FRYL: variants seen among roughly 807,000 people sequenced by gnomAD.
FRYL encodes FRY like transcription coactivator.
A neutral mutation model predicts 351.2 loss-of-function variants in FRYL; 150 were observed. The observed-to-expected ratio is 0.43, with a 90% confidence interval of 0.37 to 0.49. The LOEUF is 0.49. FRYL is among the 20% of genes least tolerant of loss of function. The pLI is 0.00. For synonymous variants in FRYL, 1,153 were observed against 1,257.1 expected, an observed-to-expected ratio of 0.92 and a Z score of 1.75; for missense variants, 3,036 against 3,619.3, an observed-to-expected ratio of 0.84 and a Z score of 4.13.
chr4:48,774,444 CT>C (rs1775812005), intron 1 of FRYL, among the ~76,000 whole-genome samples: 1 of 152,178 alleles, frequency 6.6e-6, no homozygotes, highest in Non-Finnish European at 1.5e-5. Context: ...ACACTCCAAT[CT>C]TTCCCCCACA....
At chr4:48,603,514 C>G (rs1746104666) in intron 11 of FRYL, 126 bp from the exon 12 acceptor site, 1 of 655,772 alleles carries the variant, frequency 1.5e-6, no homozygotes, top group Non-Finnish European at 2.7e-6. Flanking sequence ...CACTGAAGTA[C>G]TACAATGTGC....
In FRYL at chr4:48,710,637, A is replaced by G. The variant is rs1003820152; in HGVS notation, c.-322T>C. On this transcript the variant is annotated 5_prime_UTR_variant, in exon 2 of 64. Transcript: ENST00000358350. ...ACTTTACAGGCACTCGAGTGGGCAC[A>G]CTGGTACAAAGCAGTAGTGAGTGAG... 4 of 398,610 alleles carry G rather than the reference A, an allele frequency of 1.0e-5. No individual in the cohort carries two copies. Among genetic ancestry groups the G allele is most frequent in the Admixed American group, 4.4e-5 (1 of 22,734 alleles). 24.7% of individuals were successfully genotyped at this position (398,610 alleles called of 1,614,324 possible). A position where few individuals can be genotyped will look rare whatever the true frequency, so the allele number is the denominator to read the frequency against.
At chr4:48,724,111 G>C (rs1290349478) in intron 1 of FRYL, among the ~76,000 whole-genome samples, 1 of 151,738 alleles carries the variant, frequency 6.6e-6, no homozygotes, top group Non-Finnish European at 1.5e-5. Context: ...CTGGGAGACA[G>C]AGCAAGACCC....
chr4:48,531,080 G>A, intron 50 of FRYL, 76 bp downstream of exon 50: 2 of 1,005,328 alleles, frequency 2.0e-6, no homozygotes, highest in African/African-American at 1.6e-5. Flanking sequence ...ATCAATGTTT[G>A]TTAAATCAAA....
rs188867932 is a variant in FRYL, at chr4:48,770,020, A to T, written c.-384+10058T>A. Among the ~76,000 whole-genome samples, 15 of 152,334 alleles carry T rather than the reference A, an allele frequency of 9.8e-5. No individual in the cohort carries two copies. In the East Asian group the frequency reaches 2.9e-3, roughly 29 times the overall value. On this transcript the variant is annotated intron_variant, in intron 1 of 63. Transcript: ENST00000358350. ...GGCAGTTATACAAATCTACCTGTAC[A>T]TACACATACAAAGGCATATACAAGA... is the stretch of plus-strand genomic sequence containing the variant.
At chr4:48,522,845 GGAAGTTAA>G (rs1296850499) in intron 54 of FRYL, 48 bp downstream of exon 54, 1 of 1,257,470 alleles carries the variant, frequency 8.0e-7, no homozygotes, top group Non-Finnish European at 1.2e-6. Context: ...TTAAGAAGTT[GGAAGTTAA>G]GAGGAAAATG....
chr4:48,705,482 C>G (rs1401985224), intron 2 of FRYL, among the ~76,000 whole-genome samples: 1 of 129,316 alleles, frequency 7.7e-6, no homozygotes, highest in Non-Finnish European at 1.7e-5. Context: ...AAAAAAAAAA[C>G]AAAAAACAAA....
At chr4:48,645,124 TTATATATATATATATATATATA>T (rs36223183) in intron 3 of FRYL, among the ~76,000 whole-genome samples, 1 of 105,446 alleles carries the variant, frequency 9.5e-6, no homozygotes, top group African/African-American at 3.1e-5. Context: ...AGCTTTCATT[TTATATATATATATATATATATA>T]TATATATATC....
At chr4:48,586,839 T>C in intron 18 of FRYL, 111 bp from the exon 19 acceptor site, 3 of 632,866 alleles carry the variant, frequency 4.7e-6, no homozygotes, top group Non-Finnish European at 8.1e-6. Context: ...AAGTTCAATG[T>C]ATTTAATATT....
chr4:48,503,368 T>G (rs796501785), intron 60 of FRYL, among the ~76,000 whole-genome samples: 18 of 152,320 alleles, frequency 1.2e-4, no homozygotes, highest in African/African-American at 4.3e-4. Flanking sequence ...TACTGTCTAA[T>G]TAGGTCCTAC....
chr4:48,646,029 T>A (rs1232018227), intron 3 of FRYL: 2 of 152,176 alleles, frequency 1.3e-5, no homozygotes, highest in Non-Finnish European at 2.9e-5. Flanking sequence ...TATAATAAAA[T>A]TTACTCATTC....
rs998946053 is a variant in FRYL, at chr4:48,505,720, T to C, written c.8395-105A>G. The C allele has an allele frequency of 5.7e-6, 4 of 703,860 alleles. No individual in the cohort carries two copies. The African/African-American group carries it at 7.1e-5, about 13-fold the overall frequency. The allele number at this position is 703,860 out of a possible 1,614,324, so 43.6% of individuals were successfully genotyped here. On this transcript the variant is annotated intron_variant, in intron 59 of 63. Transcript: ENST00000358350. ...TTAAAGTTAACTTGAAGTTCTAGGA[T>C]TGGTTGTAGACCTAGACTTTTATCT... is the stretch of plus-strand genomic sequence containing the variant.
At chr4:48,520,206 G>A (rs968211656) in intron 55 of FRYL, among the ~76,000 whole-genome samples, 5 of 152,322 alleles carry the variant, frequency 3.3e-5, no homozygotes, top group African/African-American at 7.2e-5. Context: ...TTAGCCATAT[G>A]AGTATGAGCA....
At chr4:48,705,895 GGT>G (rs1309233528) in intron 2 of FRYL, among the ~76,000 whole-genome samples, 2 of 151,954 alleles carry the variant, frequency 1.3e-5, no homozygotes, top group Non-Finnish European at 2.9e-5. Flanking sequence ...GGAAAGCAGT[GGT>G]GTGACCTCAG....
chr4:48,693,946 C>T (rs376148724), intron 2 of FRYL, among the ~76,000 whole-genome samples: 1 of 152,108 alleles, frequency 6.6e-6, no homozygotes, highest in Non-Finnish European at 1.5e-5. Context: ...AAGTTAGGCA[C>T]ATCATAAGCA....
chr4:48,576,976 C>A (rs957251963), intron 23 of FRYL, among the ~76,000 whole-genome samples: 2 of 151,910 alleles, frequency 1.3e-5, no homozygotes, highest in African/African-American at 4.8e-5. Flanking sequence ...GTATTTTTCA[C>A]CTCTCTATGT....
chr4:48,554,346 T>C (rs1253258682), intron 35 of FRYL, among the ~76,000 whole-genome samples: 1 of 152,132 alleles, frequency 6.6e-6, no homozygotes, highest in African/African-American at 2.4e-5. Flanking sequence ...CAAATTCTTT[T>C]TTTTTTTTTT....
At position 48,553,596 on chromosome 4, in the gene FRYL, T is replaced by C. The variant is rs557801303; in HGVS notation, c.4267-213A>G. Reference sequence around the variant, plus strand: ...CTCTCAGCATTAGATCTAATTAGGGTGAACTGAGTATGTTTAGCGGTTTAG... The same window carrying C: ...CTCTCAGCATTAGATCTAATTAGGGCGAACTGAGTATGTTTAGCGGTTTAG... On this transcript the variant is annotated intron_variant, in intron 35 of 63. Transcript: ENST00000358350. Among the ~76,000 whole-genome samples the C allele has an allele frequency of 5.4e-4, 82 of 151,616 alleles. No homozygotes were observed. In the Middle Eastern group the frequency reaches 0.01, roughly 19 times the overall value.
chr4:48,573,611 G>A (rs1476432803), intron 25 of FRYL, among the ~76,000 whole-genome samples: 3 of 152,096 alleles, frequency 2.0e-5, no homozygotes, highest in East Asian at 3.9e-4. Flanking sequence ...GTGCAATGGC[G>A]TGATCTCGGC....
Sources: gnomAD v4.1 joint callset for allele counts (sites outside exome capture counted in the v4.1 genomes callset) on GRCh38, gnomAD v4.1.1 for gene constraint, MANE v1.5 for transcripts, NCBI Gene and HGNC (gene_info 2026-07-23, HGNC 2026-07-21) for gene names.